The following NBPF6 variants were observed in gnomAD, a reference collection of about 807,000 sequenced individuals.
NBPF6 encodes the protein NBPF member 6, also known as NBPF family member NBPF6.
NBPF6 carries 2 observed loss-of-function variants against 20.8 expected under a neutral mutation model. That is an observed-to-expected ratio of 0.10 (90% CI 0.04 to 0.30). NBPF6 has a LOEUF of 0.30. NBPF6 is among the 10% of genes least tolerant of loss of function. The pLI, the probability that NBPF6 is intolerant of heterozygous loss-of-function variation, is 1.00. For missense variants in NBPF6, 85 were observed against 260.3 expected (o/e 0.33, Z 4.63); for synonymous variants, 24 against 100.0 (o/e 0.24, Z 4.53).
In NBPF6 at chr1:108,469,763, GTCTCTTTTTTTAAAC is replaced by G. The variant is rs1273680244; in HGVS notation, c.1876-831_1876-817del. ...TCTCACTTTGCTAACTCCATTTTGA[GTCTCTTTTTTTAAAC>G]TCCCTTTCTTTCCTGATGACCTTTG... On this transcript the variant is annotated intron_variant, in intron 14 of 14. Coordinates refer to ENST00000495380, the MANE Select transcript of NBPF6 (RefSeq NM_001143988.2). Among the ~76,000 whole-genome samples, 26 of 146,930 alleles carry G rather than the reference GTCTCTTTTTTTAAAC, an allele frequency of 1.8e-4. 2 individuals carry two copies. The highest frequency in any genetic ancestry group is 6.4e-4 in the African/African-American group (25 of 39,120).
At chr1:108,449,375 G>A (rs1206519958), upstream of NBPF6, among the ~76,000 whole-genome samples, 3 of 15,380 alleles carry the variant, frequency 2.0e-4, 1 homozygote, top group Non-Finnish European at 3.8e-4. Flanking sequence ...TGCCAGGTTC[G>A]GTTAGTGGAA....
upstream of NBPF6, among the ~76,000 whole-genome samples, chr1:108,448,561 T>C (rs1343644728): frequency 1.7e-5 from 2 of 116,726 alleles, no homozygotes; most frequent in African/African-American, 6.1e-5. Context: ...TTCCCATGAC[T>C]CATTCTGGTC....
At chr1:108,448,374 G>A (rs1444196305), upstream of NBPF6, among the ~76,000 whole-genome samples, 26 of 149,244 alleles carry the variant, frequency 1.7e-4, 1 homozygote, top group East Asian at 3.9e-4. Context: ...AATACAGCCA[G>A]GGGAAGACCC....
rs1558073961 is a variant in NBPF6 at position 108,452,976 on chromosome 1, TTGTTTGTGTG to T, written c.279-201_279-192del. 4.3e-5 allele frequency among the ~76,000 whole-genome samples: 2 copies of T among 46,746 alleles called. 1 individual carries two copies. Among genetic ancestry groups the T allele is most frequent in the African/African-American group, 1.5e-4 (2 of 12,940 alleles). The allele number at this position is 46,746 out of a possible 152,430, so 30.7% of individuals were successfully genotyped here. ...TGTGTGTGTGTGTGTGTGTGTATGT[TTGTTTGTGTG>T]TGTGTGTGTGTGTGTGTGTGTGTAT... On this transcript the variant is annotated intron_variant, in intron 3 of 14. Transcript: ENST00000495380.
At chr1:108,438,559 GA>G in the NBPF6 span, among the ~76,000 whole-genome samples, 1 of 110,922 alleles carries the variant, frequency 9.0e-6, no homozygotes, top group Non-Finnish European at 2.2e-5. Context: ...GACACCAGAA[GA>G]AAATAAAACT....
chr1:108,448,425 A>T (rs1393943961), upstream of NBPF6, among the ~76,000 whole-genome samples: 1 of 148,844 alleles, frequency 6.7e-6, no homozygotes, highest in African/African-American at 2.5e-5. Context: ...GTTCCAGTGA[A>T]ATTCCAGGTA....
rs1386258262 is a variant in NBPF6, at chr1:108,470,611, T to C, written c.1890T>C (p.Ala630=). ...HAESAEIPNT[A]ERMQRMIG ...CTCCCCTACAGATACCAAATACTGC[T>C]GAAAGGATGCAAAGGATGATAGGAT... Residue 630 remains alanine, a synonymous_variant, in exon 15 of 15, where the codon GCT becomes GCC. Transcript: ENST00000495380. 1 of 1,554,504 alleles carries C rather than the reference T, an allele frequency of 6.4e-7. No homozygotes were observed. The highest frequency in any genetic ancestry group is 8.7e-7 in the Non-Finnish European group (1 of 1,148,486).
chr1:108,465,253 G>T lies in NBPF6; in HGVS notation c.1489G>T (p.Val497Phe), dbSNP rs1262638200. Residue 497 changes from valine to phenylalanine, a missense_variant, in exon 13 of 15, where the codon GTT becomes TTT. Transcript: ENST00000495380. ...AGACTTGAGCCACCACCGGTCAGAG[G>T]TTCAAATTTCACAGGCACAGCTGGA... is the stretch of plus-strand genomic sequence containing the variant. ...SGDLSHHRSE[V>F]QISQAQLEPS... 2.8e-5 allele frequency: 33 copies of T among 1,196,058 alleles called. 11 individuals are homozygous for T. In the South Asian group the frequency reaches 4.1e-4, roughly 15 times the overall value. The allele number at this position is 1,196,058 out of a possible 1,614,324, so 74.1% of individuals were successfully genotyped here. A position where few individuals can be genotyped will look rare whatever the true frequency, so the allele number is the denominator to read the frequency against.
intron 9 of NBPF6, among the ~76,000 whole-genome samples, 155 bp downstream of exon 9, chr1:108,459,264 C>G (rs1440881627): frequency 1.2e-5 from 1 of 81,502 alleles, no homozygotes. Context: ...CATTGTGAAA[C>G]TTTTAATGTT....
chr1:108,470,610 C>T lies in NBPF6; in HGVS notation c.1889C>T (p.Ala630Val). Residue 630 changes from alanine to valine, a missense_variant, in exon 15 of 15, where the codon GCT becomes GTT. This residue lies in a region of NBPF6 where 31 missense variants were observed against 21.0 expected (regional missense o/e 1.48). Transcript: ENST00000495380. Reference sequence around the variant, plus strand: ...TCTCCCCTACAGATACCAAATACTGCTGAAAGGATGCAAAGGATGATAGGA... The same window carrying T: ...TCTCCCCTACAGATACCAAATACTGTTGAAAGGATGCAAAGGATGATAGGA... Reference protein sequence around the residue: ...HAESAEIPNTAERMQRMIG With the variant: ...HAESAEIPNTVERMQRMIG The T allele has an allele frequency of 1.3e-6, 2 of 1,554,270 alleles. No individual in the cohort carries two copies. The highest frequency in any genetic ancestry group is 1.7e-4 in the Middle Eastern group (1 of 5,988).
chr1:108,437,902 G>T, the NBPF6 span, among the ~76,000 whole-genome samples: 1 of 47,854 alleles, frequency 2.1e-5, no homozygotes, highest in African/African-American at 7.2e-5. Flanking sequence ...AGGAAGGAAG[G>T]AAGAGACCCA....
rs567848588 is a variant in NBPF6, at chr1:108,471,431, C to A, written c.*793C>A. ...AGAGAAGGCCCAGTGTGTCCATCCC[C>A]AGTGCGGTGATACTAGGATGTTCAC... On this transcript the variant is annotated 3_prime_UTR_variant, in exon 15 of 15. Coordinates refer to ENST00000495380, the MANE Select transcript of NBPF6 (RefSeq NM_001143988.2). 2.0e-5 allele frequency among the ~76,000 whole-genome samples: 3 copies of A among 152,316 alleles called. No homozygotes were observed. The highest frequency in any genetic ancestry group is 2.9e-5 in the Non-Finnish European group (2 of 68,020).
rs1653490750 is a variant in NBPF6 at position 108,471,795 on chromosome 1, TG to T, written c.*1158del. ...TTAAATCACTTTAATTAAATTTTTT[TG>T]CCTATCACCCTGGACTAGTGAATTT... On this transcript the variant is annotated 3_prime_UTR_variant, in exon 15 of 15. Transcript: ENST00000495380. Among the ~76,000 whole-genome samples, 1 of 152,232 alleles carries T rather than the reference TG, an allele frequency of 6.6e-6. No individual in the cohort carries two copies. The highest frequency in any genetic ancestry group is 6.5e-5 in the Admixed American group (1 of 15,286).
chr1:108,467,613 G>C lies in NBPF6; in HGVS notation c.1823G>C (p.Ser608Thr), dbSNP rs755339760. The C allele has an allele frequency of 2.6e-6, 4 of 1,549,722 alleles. No homozygotes were observed. The African/African-American group carries it at 5.5e-5, about 21-fold the overall frequency. ...ACCATCAGAAGAAGACTCCCGTTCA[G>C]CAAGTGGAGACTGGCATTCAGATTC... The part of the protein sequence containing the change: ...LKTIRRRLPF[S>T]KWRLAFRFAG... Residue 608 changes from serine to threonine, a missense_variant, in exon 14 of 15, where the codon AGC (serine) becomes ACC (threonine). This residue lies in a region of NBPF6 where 11 missense variants were observed against 40.9 expected (regional missense o/e 0.27). Transcript: ENST00000495380.
chr1:108,448,280 C>T (rs929289838), upstream of NBPF6, among the ~76,000 whole-genome samples: 1 of 145,688 alleles, frequency 6.9e-6, no homozygotes, highest in Admixed American at 6.8e-5. Context: ...TCTCAGAGAC[C>T]TGACATTCTG....
At chr1:108,435,839 C>A in the NBPF6 span, among the ~76,000 whole-genome samples, 2 of 57,372 alleles carry the variant, frequency 3.5e-5, no homozygotes, top group South Asian at 1.2e-3. Flanking sequence ...AGGACCCCCC[C>A]CCGAAAGATA....
intron 14 of NBPF6, among the ~76,000 whole-genome samples, chr1:108,469,814 T>C (rs1012805851): frequency 4.7e-5 from 7 of 150,230 alleles, no homozygotes; most frequent in African/African-American, 1.5e-4. Context: ...GACAAAAACT[T>C]ATAATTATAT....
At position 108,471,232 on chromosome 1, in the gene NBPF6, A is replaced by G. The variant is rs1259214166; in HGVS notation, c.*594A>G. 2.0e-5 allele frequency among the ~76,000 whole-genome samples: 3 copies of G among 152,332 alleles called. No homozygotes were observed. The highest frequency in any genetic ancestry group is 3.9e-4 in the East Asian group (2 of 5,182). On this transcript the variant is annotated 3_prime_UTR_variant, in exon 15 of 15. Coordinates refer to ENST00000495380, the MANE Select transcript of NBPF6 (RefSeq NM_001143988.2). ...ATCTCCTTATCTTTTTGTTGTTGTCATCGATGGTGGTGACATGGACTTGTT... is the reference window on the plus strand; with the variant it reads ...ATCTCCTTATCTTTTTGTTGTTGTCGTCGATGGTGGTGACATGGACTTGTT...
chr1:108,434,792 A>G, the NBPF6 span, among the ~76,000 whole-genome samples: 1 of 86,628 alleles, frequency 1.2e-5, no homozygotes, highest in Non-Finnish European at 2.9e-5. Context: ...CCTTCAGCCC[A>G]TATCATCTTA....
Sources: allele counts gnomAD v4.1 joint callset (sites outside exome capture counted in the v4.1 genomes callset), GRCh38; gene constraint gnomAD v4.1.1; regional missense constraint gnomAD v4.1.1; transcripts MANE v1.5; gene names NCBI Gene and HGNC (gene_info 2026-07-23, HGNC 2026-07-21).